ADARB2: variants seen among roughly 807,000 people sequenced by gnomAD.
ADARB2 encodes inactive double-stranded RNA-specific editase B2.
A neutral mutation model predicts 62.2 loss-of-function variants in ADARB2; 25 were observed. That is an observed-to-expected ratio of 0.40 (90% confidence interval 0.29 to 0.56). The LOEUF (loss-of-function observed/expected upper bound fraction) is 0.56. Among genes scored for constraint, ADARB2 ranks in the 20% least tolerant of loss-of-function variants. ADARB2 has a pLI of 0.43. For missense variants in ADARB2, 1,071 were observed against 1,077.4 expected, an observed-to-expected ratio of 0.99 and a Z score of 0.08; for synonymous variants, 572 against 500.8, an observed-to-expected ratio of 1.14 and a Z score of -1.90.
At chr10:1,721,157 T>C (rs1835087780) in intron 1 of ADARB2, among the ~76,000 whole-genome samples, 1 of 152,168 alleles carries the variant, frequency 6.6e-6, no homozygotes, top group Non-Finnish European at 1.5e-5. Flanking sequence ...TGAGGGGATG[T>C]CAGCAGAAAG....
Position 1,413,178 on chromosome 10 carries a change from G to A in ADARB2, c.101-34018C>T, listed in dbSNP as rs977313074. ...GTGGCTGACAGCCTAGGAACCACTT[G>A]AGCAGTTGTTGTATGGTGAGGGCGC... On this transcript the variant is annotated intron_variant, in intron 1 of 9. Transcript: ENST00000381312. 3.9e-5 allele frequency among the ~76,000 whole-genome samples: 6 copies of A among 152,170 alleles called. No homozygotes were observed. In the East Asian group the frequency reaches 5.8e-4, roughly 15 times the overall value.
intron 2 of ADARB2, among the ~76,000 whole-genome samples, chr10:1,367,571 A>C (rs528642281): frequency 6.6e-6 from 1 of 152,252 alleles, no homozygotes; most frequent in African/African-American, 2.4e-5. Context: ...TCTACTGTTG[A>C]GTGTGTTTCA....
intron 5 of ADARB2, among the ~76,000 whole-genome samples, chr10:1,234,177 C>T (rs552056883): frequency 6.6e-6 from 1 of 151,258 alleles, no homozygotes; most frequent in East Asian, 2.0e-4. Flanking sequence ...TTAGTAGATA[C>T]AGGGTTTCAC....
chr10:1,286,011 G>T (rs1169809376), intron 3 of ADARB2, among the ~76,000 whole-genome samples: 5 of 147,006 alleles, frequency 3.4e-5, no homozygotes, highest in African/African-American at 1.2e-4. Context: ...CGGAATCCAG[G>T]ACCGTTGCCC....
intron 8 of ADARB2, among the ~76,000 whole-genome samples, chr10:1,195,930 C>G (rs1256867037): frequency 6.6e-6 from 1 of 152,168 alleles, no homozygotes; most frequent in Non-Finnish European, 1.5e-5. Context: ...TGTTTCAGGT[C>G]TGGGGAACCA....
intron 1 of ADARB2, among the ~76,000 whole-genome samples, chr10:1,582,476 G>A (rs1172852138): frequency 6.6e-6 from 1 of 152,198 alleles, no homozygotes; most frequent in South Asian, 2.1e-4. Flanking sequence ...ACCAGAAATG[G>A]CCTTCGAAGA....
intron 1 of ADARB2, among the ~76,000 whole-genome samples, chr10:1,649,374 C>T (rs1375379839): frequency 6.6e-6 from 1 of 152,134 alleles, no homozygotes; most frequent in African/African-American, 2.4e-5. Context: ...CCCAATTTTC[C>T]ACAGGGGATA....
At chr10:1,413,648 A>C (rs1456978246) in intron 1 of ADARB2, among the ~76,000 whole-genome samples, 1 of 152,086 alleles carries the variant, frequency 6.6e-6, no homozygotes, top group Non-Finnish European at 1.5e-5. Flanking sequence ...GGAAGCCAAG[A>C]TTCTCACTCA....
At chr10:1,309,980 C>T (rs778927873) in intron 3 of ADARB2, among the ~76,000 whole-genome samples, 1 of 152,194 alleles carries the variant, frequency 6.6e-6, no homozygotes, top group Admixed American at 6.5e-5. Context: ...CCTGAGATTC[C>T]AGTTTCATTT....
chr10:1,233,514 T>C (rs1214836553), intron 6 of ADARB2, among the ~76,000 whole-genome samples, 180 bp downstream of exon 6: 1 of 152,154 alleles, frequency 6.6e-6, no homozygotes, highest in Non-Finnish European at 1.5e-5. Context: ...CACTTGAGCA[T>C]TTCAGACTAA....
intron 6 of ADARB2, among the ~76,000 whole-genome samples, chr10:1,230,053 C>A (rs895210732): frequency 6.6e-6 from 1 of 151,912 alleles, no homozygotes; most frequent in African/African-American, 2.4e-5. Context: ...CCAGAAGGGG[C>A]CAGAGGCAGA....
intron 1 of ADARB2, among the ~76,000 whole-genome samples, chr10:1,630,968 C>CAAAA (rs1226317259): frequency 6.8e-6 from 1 of 146,488 alleles, no homozygotes; most frequent in Non-Finnish European, 1.5e-5. Context: ...AACAAACAAA[C>CAAAA]AAACAAACAA....
intron 3 of ADARB2, among the ~76,000 whole-genome samples, chr10:1,362,057 T>C (rs899877902): frequency 1.3e-5 from 2 of 152,350 alleles, no homozygotes; most frequent in Admixed American, 1.3e-4. Flanking sequence ...TAAAATGGTA[T>C]CAGAATAGTT....
intron 1 of ADARB2, among the ~76,000 whole-genome samples, chr10:1,720,807 TATC>T (rs1256455928): frequency 1.3e-5 from 2 of 152,132 alleles, no homozygotes; most frequent in African/African-American, 4.8e-5. Flanking sequence ...CAGCAACTAA[TATC>T]ATATGGAAAA....
At chr10:1,187,818 G>A (rs142034268) in intron 8 of ADARB2, 11 of 428,116 alleles carry the variant, frequency 2.6e-5, no homozygotes, top group East Asian at 2.2e-4. Flanking sequence ...CTGCGGGGTC[G>A]TCCAGCCTTG....
chr10:1,205,959 A>C (rs987247644), intron 7 of ADARB2, among the ~76,000 whole-genome samples: 74 of 146,252 alleles, frequency 5.1e-4, no homozygotes, highest in Admixed American at 1.3e-3. Flanking sequence ...GTCACGGGGC[A>C]GCCCGTTGGG....
chr10:1,431,113 G>T (rs1830773721), intron 1 of ADARB2, among the ~76,000 whole-genome samples: 1 of 152,136 alleles, frequency 6.6e-6, no homozygotes, highest in Non-Finnish European at 1.5e-5. Context: ...TCACAGAATT[G>T]CCATCAGCAA....
At chr10:1,667,758 G>T (rs1432579360) in intron 1 of ADARB2, among the ~76,000 whole-genome samples, 2 of 152,122 alleles carry the variant, frequency 1.3e-5, no homozygotes, top group African/African-American at 4.8e-5. Flanking sequence ...GGTATTTTGG[G>T]TTACTCATAG....
chr10:1,582,351 G>T (rs572945818), intron 1 of ADARB2, among the ~76,000 whole-genome samples: 1 of 152,154 alleles, frequency 6.6e-6, no homozygotes, highest in Non-Finnish European at 1.5e-5. Context: ...CCTCACTGGG[G>T]TCTGCCCAGC....
Sources: allele counts gnomAD v4.1 joint callset (sites outside exome capture counted in the v4.1 genomes callset), GRCh38; gene constraint gnomAD v4.1.1; transcripts MANE v1.5; gene names NCBI Gene and HGNC (gene_info 2026-07-23, HGNC 2026-07-21).